ADGRB1: variants seen among roughly 807,000 people sequenced by gnomAD.
ADGRB1 encodes adhesion G protein-coupled receptor B1.
Under a neutral mutation model 175.7 loss-of-function variants are expected in ADGRB1, and 36 were observed. The ratio of observed to expected loss-of-function variants is 0.20; its 90% CI spans 0.16 to 0.27. ADGRB1 has a LOEUF of 0.27. ADGRB1 is among the 10% of genes least tolerant of loss of function. The pLI, the probability that ADGRB1 is intolerant of heterozygous loss-of-function variation, is 1.00. For synonymous variants in ADGRB1, 1,054 were observed against 979.4 expected (o/e 1.08, Z -1.42); for missense variants, 1,731 against 2,255.3 (o/e 0.77, Z 4.71).
intron 5 of ADGRB1, 37 bp from the exon 6 acceptor site, chr8:142,477,348 G>A (rs1841039971): frequency 6.3e-7 from 1 of 1,592,526 alleles, no homozygotes; most frequent in Non-Finnish European, 8.5e-7. Context: ...GGGGGCGGTG[G>A]CCGCAGTGGG....
Position 142,510,915 on chromosome 8 carries a change from GTCCC to G in ADGRB1, c.2676-16_2676-13del. ...GACGCTCCGCCTGTCTCCCTCCCGTGTCCCGCCCGCCCCCAGACCCTCCTCCTCC... is the reference window on the plus strand; with the variant it reads ...GACGCTCCGCCTGTCTCCCTCCCGTGGCCCGCCCCCAGACCCTCCTCCTCC... On this transcript the variant is annotated splice_polypyrimidine_tract_variant and intron_variant, in intron 17 of 30. Transcript: ENST00000517894. The surrounding 1 kb of genome is among the most constrained non-coding windows in gnomAD (Gnocchi z 6.3). 5.7e-6 allele frequency: 6 copies of G among 1,061,602 alleles called. No homozygotes were observed. The highest frequency in any genetic ancestry group is 6.9e-6 in the Non-Finnish European group (6 of 868,618). 65.8% of individuals were successfully genotyped at this position (1,061,602 alleles called of 1,614,324 possible).
Position 142,533,452 on chromosome 8 carries a change from A to G in ADGRB1, c.3556A>G (p.Ile1186Val). 1 of 1,609,138 alleles carries G rather than the reference A, an allele frequency of 6.2e-7. No individual in the cohort carries two copies. Among genetic ancestry groups the G allele is most frequent in the South Asian group, 1.1e-5 (1 of 90,822 alleles). Reference sequence around the variant, plus strand: ...CTTCGTCATCGTCATGGTGCACTGTATCCTCCGTAGAGAGGTGGGTGAGGC... The same window carrying G: ...CTTCGTCATCGTCATGGTGCACTGTGTCCTCCGTAGAGAGGTGGGTGAGGC... ...EGFVIVMVHCILRREVQDAVK... is the reference protein window; with the variant it reads ...EGFVIVMVHCVLRREVQDAVK... The change falls in exon 25 of 31, where the codon ATC becomes GTC. Residue 1186 changes from isoleucine to valine, a missense_variant. By Grantham distance (29) the Ile-to-Val change is conservative. This residue lies in a region of ADGRB1 where 301 missense variants were observed against 488.4 expected (regional missense o/e 0.62). Transcript: ENST00000517894.
At chr8:142,487,271 C>T (rs76064360) in intron 13 of ADGRB1, among the ~76,000 whole-genome samples, 2,619 of 152,222 alleles carry the variant, frequency 0.017, 80 homozygotes, top group African/African-American at 0.059. Flanking sequence ...GCTGCTCCAG[C>T]GTCCGTCTGC....
intron 2 of ADGRB1, among the ~76,000 whole-genome samples, chr8:142,469,157 ATG>A (rs113952171): frequency 0.054 from 329 of 6,060 alleles, 4 homozygotes; most frequent in African/African-American, 0.11. Context: ...GCATGCGTGC[ATG>A]TGTGTGTGTG....
At chr8:142,506,884 T>C (rs1295095086) in intron 17 of ADGRB1, among the ~76,000 whole-genome samples, 2 of 152,210 alleles carry the variant, frequency 1.3e-5, no homozygotes, top group Non-Finnish European at 2.9e-5. Flanking sequence ...GAGGCTCGGG[T>C]AACTCCCAGG....
intron 7 of ADGRB1, chr8:142,479,035 G>A (rs1303632497): frequency 2.8e-6 from 1 of 357,714 alleles, no homozygotes. Flanking sequence ...GTGGGGAAGT[G>A]GAGTGTGGGG....
At position 142,533,166 on chromosome 8, in the gene ADGRB1, C is replaced by T. The variant is rs1844723322; in HGVS notation, c.3399-129C>T. On this transcript the variant is annotated intron_variant, in intron 24 of 30. Transcript: ENST00000517894. Reference sequence around the variant, plus strand: ...CCCAGAGAGGAAGGGCTGCTTGGCCCAGGCCCCCAGAGACAGAGACGGGGA... The same window carrying T: ...CCCAGAGAGGAAGGGCTGCTTGGCCTAGGCCCCCAGAGACAGAGACGGGGA... 44 of 1,098,312 alleles carry T rather than the reference C, an allele frequency of 4.0e-5. No individual in the cohort carries two copies. In the South Asian group the frequency reaches 7.3e-4, roughly 18 times the overall value. The allele number at this position is 1,098,312 out of a possible 1,614,324, so 68.0% of individuals were successfully genotyped here.
Position 142,455,873 on chromosome 8 carries a change from C to T in ADGRB1, c.-220+5769C>T, listed in dbSNP as rs1043535867. Among the ~76,000 whole-genome samples the T allele has an allele frequency of 1.3e-5, 2 of 152,180 alleles. No homozygotes were observed. The highest frequency in any genetic ancestry group is 1.9e-4 in the East Asian group (1 of 5,188). On this transcript the variant is annotated intron_variant, in intron 1 of 30. Coordinates refer to ENST00000517894, the MANE Select transcript of ADGRB1 (RefSeq NM_001702.3). This position sits in a 1 kb window ranked among gnomAD's most constrained non-coding sequence, Gnocchi z 4.9. ...CACACGGTTGGTCTTTGGGCCAGCA[C>T]CTCTCTGAGGCTAAGTTGGCATCTC...
rs1256577541 is a variant in ADGRB1, at chr8:142,543,192, C to G, written c.4414-211C>G. ...GTCCCGGGTAGGCGAGCCGGACACC[C>G]CAGCCCAGCCTTGGTGCTGCTCGCT... On this transcript the variant is annotated intron_variant, in intron 28 of 30. Transcript: ENST00000517894. The surrounding 1 kb of genome is among the most constrained non-coding windows in gnomAD (Gnocchi z 4.4). 6.6e-6 allele frequency among the ~76,000 whole-genome samples: 1 copy of G among 152,284 alleles called. No homozygotes were observed. Among genetic ancestry groups the G allele is most frequent in the African/African-American group, 2.4e-5 (1 of 41,584 alleles).
chr8:142,517,728 C>T (rs892527537), intron 18 of ADGRB1, among the ~76,000 whole-genome samples: 1 of 152,096 alleles, frequency 6.6e-6, no homozygotes, highest in Non-Finnish European at 1.5e-5. Flanking sequence ...CTGCTGCCCC[C>T]GGATTTCTCG....
intron 1 of ADGRB1, among the ~76,000 whole-genome samples, chr8:142,452,041 A>G (rs1201936576): frequency 1.3e-5 from 2 of 152,122 alleles, no homozygotes; most frequent in Non-Finnish European, 2.9e-5. Flanking sequence ...GGGTGTGCGC[A>G]GCCCGCCGAG....
At position 142,453,737 on chromosome 8, in the gene ADGRB1, G is replaced by T. The variant is rs139519888; in HGVS notation, c.-220+3633G>T. Reference sequence around the variant, plus strand: ...CCCCACCCCAAGCACTAAGGCTGCGGGAATATGCAGGAAAAAGCCCCTGAC... The same window carrying T: ...CCCCACCCCAAGCACTAAGGCTGCGTGAATATGCAGGAAAAAGCCCCTGAC... On this transcript the variant is annotated intron_variant, in intron 1 of 30. Transcript: ENST00000517894. Among the ~76,000 whole-genome samples the T allele has an allele frequency of 6.4e-3, 980 of 152,318 alleles. 28 individuals are homozygous for T. In the South Asian group the frequency reaches 0.093, roughly 14 times the overall value.
At position 142,464,960 on chromosome 8, in the gene ADGRB1, C is replaced by T. The variant is rs954778812; in HGVS notation, c.762C>T (p.Asp254=). The part of the protein sequence containing the change: ...PENCLTSLTQ[D]RGGHGATGGW... Reference sequence around the variant, plus strand: ...ACTGCCTCACCAGCCTGACCCAGGACCGGGGCGGGCACGGCGCCACAGGTG... The same window carrying T: ...ACTGCCTCACCAGCCTGACCCAGGATCGGGGCGGGCACGGCGCCACAGGTG... Residue 254 remains aspartate, a synonymous_variant, in exon 2 of 31, where the codon GAC becomes GAT. Coordinates refer to ENST00000517894, the MANE Select transcript of ADGRB1 (RefSeq NM_001702.3). 2.0e-6 allele frequency: 3 copies of T among 1,522,580 alleles called. No individual in the cohort carries two copies. The highest frequency in any genetic ancestry group is 2.6e-6 in the Non-Finnish European group (3 of 1,140,510). 94.3% of individuals were successfully genotyped at this position (1,522,580 alleles called of 1,614,324 possible). A position where few individuals can be genotyped will look rare whatever the true frequency, so the allele number is the denominator to read the frequency against.
At position 142,493,700 on chromosome 8, in the gene ADGRB1, C is replaced by T. The variant is rs960725457; in HGVS notation, c.2675+2885C>T. The stretch of plus-strand genomic sequence containing the variant: ...TGAGGCCCTGAGACTCCTACAGTCC[C>T]GCTGAAAGCACAGCGCAGTGATCGA... On this transcript the variant is annotated intron_variant, in intron 17 of 30. Coordinates refer to ENST00000517894, the MANE Select transcript of ADGRB1 (RefSeq NM_001702.3). The surrounding 1 kb of genome is among the most constrained non-coding windows in gnomAD (Gnocchi z 5.0). Among the ~76,000 whole-genome samples the T allele has an allele frequency of 6.6e-6, 1 of 152,240 alleles. No homozygotes were observed. The highest frequency in any genetic ancestry group is 2.4e-5 in the African/African-American group (1 of 41,464).
chr8:142,521,843 C>T, intron 20 of ADGRB1, 122 bp from the exon 21 acceptor site: 1 of 1,172,196 alleles, frequency 8.5e-7, no homozygotes, highest in Non-Finnish European at 1.2e-6. Context: ...GCCTGGGGAC[C>T]TGGTTGGGTC....
intron 17 of ADGRB1, among the ~76,000 whole-genome samples, chr8:142,502,426 G>A (rs77648218): frequency 0.049 from 62 of 1,254 alleles, 2 homozygotes; most frequent in East Asian, 0.1. Flanking sequence ...GGTGATGGTG[G>A]TGGTGGTGGT....
chr8:142,480,543 A>G (rs1486910972), intron 9 of ADGRB1, among the ~76,000 whole-genome samples: 1 of 152,186 alleles, frequency 6.6e-6, no homozygotes, highest in Non-Finnish European at 1.5e-5. Flanking sequence ...CTGAGAAGCA[A>G]AAAGAAGCAC....
intron 17 of ADGRB1, among the ~76,000 whole-genome samples, chr8:142,506,223 A>T (rs1188305250): frequency 6.6e-6 from 1 of 152,172 alleles, no homozygotes; most frequent in Non-Finnish European, 1.5e-5. Flanking sequence ...GGTGGCGGTC[A>T]CTGGTGGTCT....
chr8:142,510,683 G>A lies in ADGRB1; in HGVS notation c.2676-249G>A, dbSNP rs1297449140. Reference sequence around the variant, plus strand: ...CCCGATCGCTCGGCTCCCCCGCCCGGCGCTCCCTCGGGCTGCGCTCCGCGG... The same window carrying A: ...CCCGATCGCTCGGCTCCCCCGCCCGACGCTCCCTCGGGCTGCGCTCCGCGG... On this transcript the variant is annotated intron_variant, in intron 17 of 30. Transcript: ENST00000517894. The surrounding 1 kb of genome is among the most constrained non-coding windows in gnomAD (Gnocchi z 6.3). 2.1e-5 allele frequency among the ~76,000 whole-genome samples: 3 copies of A among 145,428 alleles called. No individual in the cohort carries two copies. In the East Asian group the frequency reaches 6.0e-4, roughly 29 times the overall value.
Sources: allele counts gnomAD v4.1 joint callset (sites outside exome capture counted in the v4.1 genomes callset), GRCh38; gene constraint gnomAD v4.1.1; regional missense constraint gnomAD v4.1.1; non-coding constraint Gnocchi (gnomAD v3.1); transcripts MANE v1.5; gene names NCBI Gene and HGNC (gene_info 2026-07-23, HGNC 2026-07-21).